The following PIWIL4 variants were observed in gnomAD, a reference collection of about 807,000 sequenced individuals.
PIWIL4 encodes piwi-like protein 4.
A neutral mutation model predicts 100.9 loss-of-function variants in PIWIL4; 50 were observed. The ratio of observed to expected loss-of-function variants is 0.50; its 90% CI spans 0.39 to 0.63. The LOEUF (loss-of-function observed/expected upper bound fraction) is 0.63. PIWIL4 is among the 20% of genes least tolerant of loss of function. The pLI is 0.00. For missense variants in PIWIL4, 887 were observed against 1,043.3 expected (o/e 0.85, Z 2.06); for synonymous variants, 342 against 367.5 (o/e 0.93, Z 0.79).
chr11:94,616,486 A>C lies in PIWIL4; in HGVS notation c.1944-7A>C, dbSNP rs1183059997. 6.3e-7 allele frequency: 1 copy of C among 1,585,704 alleles called. No individual in the cohort carries two copies. On this transcript the variant is annotated splice_region_variant and splice_polypyrimidine_tract_variant and intron_variant, in intron 15 of 19. Coordinates refer to ENST00000299001, the MANE Select transcript of PIWIL4 (RefSeq NM_152431.3). ...AATTTTACTTTTATTTTTTTTTTTA[A>C]CTTTAGGTGGTTTTCCCGCTGTATC...
chr11:94,568,828 T>C lies in PIWIL4; in HGVS notation c.166+20T>C. ...CCAACGGTAAGTGCAGCTCAGCCTG[T>C]TCATTTAGTACCATTCAACCTGAAT... On this transcript the variant is annotated intron_variant, in intron 2 of 19. Coordinates refer to ENST00000299001, the MANE Select transcript of PIWIL4 (RefSeq NM_152431.3). The C allele has an allele frequency of 6.4e-7, 1 of 1,572,604 alleles. No homozygotes were observed. Among genetic ancestry groups the C allele is most frequent in the South Asian group, 1.1e-5 (1 of 90,192 alleles).
At chr11:94,583,774 T>C (rs1201628412) in intron 5 of PIWIL4, among the ~76,000 whole-genome samples, 3 of 152,314 alleles carry the variant, frequency 2.0e-5, no homozygotes, top group Non-Finnish European at 4.4e-5. Context: ...ACTGTTAATA[T>C]CCAGTATTGT....
At chr11:94,615,828 G>C (rs1948840440) in intron 15 of PIWIL4, among the ~76,000 whole-genome samples, 2 of 152,140 alleles carry the variant, frequency 1.3e-5, no homozygotes, top group Admixed American at 6.5e-5. Flanking sequence ...CATATATTTA[G>C]AGAGGTATAA....
At chr11:94,581,774 A>G (rs921000518) in intron 4 of PIWIL4, among the ~76,000 whole-genome samples, 4 of 152,232 alleles carry the variant, frequency 2.6e-5, no homozygotes, top group Non-Finnish European at 5.9e-5. Context: ...AGTAAAATCA[A>G]TGCATTATCT....
At chr11:94,611,543 G>T in intron 15 of PIWIL4, among the ~76,000 whole-genome samples, 1 of 150,878 alleles carries the variant, frequency 6.6e-6, no homozygotes, top group African/African-American at 2.5e-5. Context: ...GATATAGTTT[G>T]TTCAAATATT....
intron 11 of PIWIL4, among the ~76,000 whole-genome samples, chr11:94,599,192 A>G (rs965778327): frequency 1.3e-5 from 2 of 152,232 alleles, no homozygotes; most frequent in Admixed American, 6.5e-5. Context: ...ACATGTGAAG[A>G]AGGACTTATG....
At chr11:94,589,416 T>G (rs116014805) in intron 8 of PIWIL4, among the ~76,000 whole-genome samples, 184 bp downstream of exon 8, 5 of 152,276 alleles carry the variant, frequency 3.3e-5, no homozygotes, top group African/African-American at 1.2e-4. Context: ...TATCTCCTGT[T>G]TCCTTCTTCC....
intron 2 of PIWIL4, among the ~76,000 whole-genome samples, chr11:94,574,688 C>T (rs1168113911): frequency 1.3e-5 from 2 of 152,066 alleles, no homozygotes; most frequent in African/African-American, 4.8e-5. Context: ...CAACACGTTG[C>T]CCAGGCTGGT....
At position 94,585,605 on chromosome 11, in the gene PIWIL4, T is replaced by G. The variant is rs1948388371; in HGVS notation, c.716+80T>G. 6 of 1,069,632 alleles carry G rather than the reference T, an allele frequency of 5.6e-6. No individual in the cohort carries two copies. In the South Asian group the frequency reaches 9.4e-5, roughly 17 times the overall value. The allele number at this position is 1,069,632 out of a possible 1,614,324, so 66.3% of individuals were successfully genotyped here. On this transcript the variant is annotated intron_variant, in intron 6 of 19. Coordinates refer to ENST00000299001, the MANE Select transcript of PIWIL4 (RefSeq NM_152431.3). ...AATTTATGATGCAATATTATACCAT[T>G]ATGCCTCCTGTGAGAGACTCTGTGA...
At position 94,620,268 on chromosome 11, in the gene PIWIL4, T is replaced by G. The variant is rs35011724; in HGVS notation, c.2442+124T>G. The G allele has an allele frequency of 8.8e-3, 8,805 of 994,990 alleles. 366 individuals carry two copies. In the African/African-American group the frequency reaches 0.1, roughly 12 times the overall value. The allele number at this position is 994,990 out of a possible 1,614,324, so 61.6% of individuals were successfully genotyped here. ...TACCTGATATTTCCTAAAGAAGGAA[T>G]GAATGAATGAATGAATCAATGAATG... On this transcript the variant is annotated intron_variant, in intron 19 of 19. Coordinates refer to ENST00000299001, the MANE Select transcript of PIWIL4 (RefSeq NM_152431.3).
intron 4 of PIWIL4, among the ~76,000 whole-genome samples, chr11:94,580,115 G>A (rs1948292487): frequency 6.6e-6 from 1 of 152,188 alleles, no homozygotes; most frequent in Non-Finnish European, 1.5e-5. Context: ...AAGGGGACAA[G>A]TGAGAAAATA....
intron 11 of PIWIL4, among the ~76,000 whole-genome samples, chr11:94,600,083 A>G (rs762019591): frequency 3.3e-5 from 5 of 152,184 alleles, no homozygotes; most frequent in Admixed American, 6.5e-5. Context: ...GCATCATTCA[A>G]TTATAGTCTG....
intron 5 of PIWIL4, among the ~76,000 whole-genome samples, chr11:94,584,824 G>A (rs1390382874): frequency 6.6e-6 from 1 of 152,158 alleles, no homozygotes; most frequent in African/African-American, 2.4e-5. Flanking sequence ...CAGCACTTTG[G>A]GAGGCAGAGG....
rs756979324 is a variant in PIWIL4, at chr11:94,583,512, G to C, written c.578G>C (p.Arg193Thr). The stretch of plus-strand genomic sequence containing the variant: ...ATAAAGATGACTATCACCCTGAAGA[G>C]GGAGCTGCCATCAAGTTCTCCCGTG... ...ETIKMTITLK[R>T]ELPSSSPVCI... The change falls in exon 5 of 20, where the codon AGG (arginine) becomes ACG (threonine). Residue 193 changes from arginine (R) to threonine (T), a missense_variant. By Grantham distance (71) the Arg-to-Thr change is moderately conservative. This residue lies in a region of PIWIL4 where 741 missense variants were observed against 930.0 expected (regional missense o/e 0.80). Coordinates refer to ENST00000299001, the MANE Select transcript of PIWIL4 (RefSeq NM_152431.3). 5 of 1,613,854 alleles carry C rather than the reference G, an allele frequency of 3.1e-6. No individual in the cohort carries two copies. The highest frequency in any genetic ancestry group is 2.2e-5 in the South Asian group (2 of 91,086).
chr11:94,611,872 A>G (rs1948790901), intron 15 of PIWIL4, among the ~76,000 whole-genome samples: 1 of 152,072 alleles, frequency 6.6e-6, no homozygotes, highest in African/African-American at 2.4e-5. Flanking sequence ...CGTCAAATAA[A>G]CCTTTTTTTT....
At chr11:94,579,287 A>G (rs548087786) in intron 4 of PIWIL4, among the ~76,000 whole-genome samples, 2 of 152,310 alleles carry the variant, frequency 1.3e-5, no homozygotes, top group East Asian at 3.9e-4. Context: ...ACCATTGGAA[A>G]TAGCTATTGT....
At chr11:94,612,315 GTT>G (rs35206610) in intron 15 of PIWIL4, among the ~76,000 whole-genome samples, 71,387 of 143,344 alleles carry the variant, frequency 0.5, 17,204 homozygotes, top group East Asian at 0.55. Context: ...TTTTTGTGAG[GTT>G]TTTTTTTTTT....
intron 15 of PIWIL4, among the ~76,000 whole-genome samples, chr11:94,613,360 C>G (rs1014858923): frequency 5.3e-5 from 8 of 152,084 alleles, no homozygotes; most frequent in Non-Finnish European, 1.2e-4. Flanking sequence ...ATGTAATAAG[C>G]CTCTCTTCTT....
At chr11:94,597,207 A>C (rs1948569171) in intron 10 of PIWIL4, among the ~76,000 whole-genome samples, 1 of 152,230 alleles carries the variant, frequency 6.6e-6, no homozygotes, top group South Asian at 2.1e-4. Context: ...AAGATCCTGA[A>C]TCTTCTGAAG....
Sources: gnomAD v4.1 joint callset for allele counts (sites outside exome capture counted in the v4.1 genomes callset) on GRCh38, gnomAD v4.1.1 for gene constraint, gnomAD v4.1.1 regional missense constraint, MANE v1.5 for transcripts, NCBI Gene and HGNC (gene_info 2026-07-23, HGNC 2026-07-21) for gene names.